The following HTR3C variants were observed in gnomAD, a reference collection of about 807,000 sequenced individuals.
HTR3C encodes the protein 5-HT3-C.
In HTR3C, 32 loss-of-function variants were observed where a neutral mutation model predicts 40.5. The observed-to-expected ratio is 0.79, with a 90% CI of 0.60 to 1.06. HTR3C has a LOEUF of 1.06. Ranked by LOEUF, HTR3C falls within the 50% of genes least tolerant of loss-of-function variation. HTR3C has a pLI of 0.00. For synonymous variants in HTR3C, 209 were observed against 217.1 expected (o/e 0.96, Z 0.33); for missense variants, 523 against 556.8 (o/e 0.94, Z 0.61).
chr3:184,059,287 T>G, intron 6 of HTR3C, 149 bp from the exon 7 acceptor site: 1 of 664,576 alleles, frequency 1.5e-6, no homozygotes, highest in Non-Finnish European at 2.6e-6. Flanking sequence ...GAGGCCCCTA[T>G]GTAGGCGAGC....
At position 184,060,438 on chromosome 3, in the gene HTR3C, A is replaced by G. The variant is rs1723425484; in HGVS notation, c.*86A>G. On this transcript the variant is annotated 3_prime_UTR_variant, in exon 9 of 9. Transcript: ENST00000318351. ...CGGACTCATTTTCCTAATCTTAGCC[A>G]CTTATCCCCAGTGACTACCATGTCC... 1 of 1,531,638 alleles carries G rather than the reference A, an allele frequency of 6.5e-7. No homozygotes were observed. Among genetic ancestry groups the G allele is most frequent in the East Asian group, 2.3e-5 (1 of 44,286 alleles). 94.9% of individuals were successfully genotyped at this position (1,531,638 alleles called of 1,614,324 possible).
At chr3:184,055,884 C>CAAAAAAAAA (rs71185686) in intron 3 of HTR3C, among the ~76,000 whole-genome samples, 1,913 of 30,710 alleles carry the variant, frequency 0.062, 467 homozygotes, top group Middle Eastern at 0.091. Context: ...AATAGCAACT[C>CAAAAAAAAA]AAAAAAAAAA....
Position 184,054,729 on chromosome 3 carries a change from G to T in HTR3C, c.76G>T (p.Asp26Tyr). Reference sequence around the variant, plus strand: ...GTCTCTGCTCTCTATAGGAAGAGGCGACGCTTTTACCATCAATTGCTCAGG... The same window carrying T: ...GTCTCTGCTCTCTATAGGAAGAGGCTACGCTTTTACCATCAATTGCTCAGG... ...TVSLLLQGRG[D>Y]AFTINCSGFD... is the part of the protein sequence containing the mutation. Residue 26 changes from aspartate (D) to tyrosine (Y), a missense_variant, in exon 2 of 9, where the codon GAC becomes TAC. Coordinates refer to ENST00000318351, the MANE Select transcript of HTR3C (RefSeq NM_130770.3). The T allele has an allele frequency of 6.3e-7, 1 of 1,595,008 alleles. No homozygotes were observed. The highest frequency in any genetic ancestry group is 8.5e-7 in the Non-Finnish European group (1 of 1,172,050).
At chr3:184,053,220 G>C (rs939559685) in intron 1 of HTR3C, 73 bp downstream of exon 1, 5 of 1,044,810 alleles carry the variant, frequency 4.8e-6, no homozygotes, top group Non-Finnish European at 7.5e-6. Flanking sequence ...CTAGCACTTG[G>C]AGGGCATTCA....
In HTR3C at chr3:184,059,527, T is replaced by C. The variant is rs374276602; in HGVS notation, c.812T>C (p.Leu271Pro). The C allele has an allele frequency of 1.9e-6, 3 of 1,614,040 alleles. No individual in the cohort carries two copies. Among genetic ancestry groups the C allele is most frequent in the African/African-American group, 1.3e-5 (1 of 74,918 alleles). ...LVAIDALSFY[L>P]PAESENRAPF... Reference sequence around the variant, plus strand: ...GCCATTGATGCCCTCAGCTTCTACCTGCCAGCAGAGAGCGAGAATCGTGCC... The same window carrying C: ...GCCATTGATGCCCTCAGCTTCTACCCGCCAGCAGAGAGCGAGAATCGTGCC... The change falls in exon 7 of 9, where the codon CTG becomes CCG. Residue 271 changes from leucine to proline, a missense_variant. Leu to Pro is a moderately conservative substitution (Grantham distance 98). Transcript: ENST00000318351.
intron 6 of HTR3C, 67 bp from the exon 7 acceptor site, chr3:184,059,369 G>C: frequency 2.1e-6 from 3 of 1,407,178 alleles, no homozygotes; most frequent in Non-Finnish European, 2.0e-6. Flanking sequence ...CAAAGATTAG[G>C]GGTCAGATAT....
Position 184,054,733 on chromosome 3 carries a change from C to T in HTR3C, c.80C>T (p.Ala27Val). ...VSLLLQGRGD[A>V]FTINCSGFDQ... The stretch of plus-strand genomic sequence containing the variant: ...CTGCTCTCTATAGGAAGAGGCGACG[C>T]TTTTACCATCAATTGCTCAGGCTTT... The change falls in exon 2 of 9, where the codon GCT becomes GTT. Residue 27 changes from alanine to valine, a missense_variant. Coordinates refer to ENST00000318351, the MANE Select transcript of HTR3C (RefSeq NM_130770.3). 6.3e-7 allele frequency: 1 copy of T among 1,599,306 alleles called. No individual in the cohort carries two copies. Among genetic ancestry groups the T allele is most frequent in the Non-Finnish European group, 8.5e-7 (1 of 1,174,020 alleles).
intron 6 of HTR3C, among the ~76,000 whole-genome samples, chr3:184,059,046 T>A (rs1723388059): frequency 6.6e-6 from 1 of 152,126 alleles, no homozygotes; most frequent in South Asian, 2.1e-4. Flanking sequence ...CTAATTGCCC[T>A]GAAGCAGGAT....
chr3:184,060,202 C>A lies in HTR3C; in HGVS notation c.1194C>A (p.Thr398=). 3.1e-6 allele frequency: 5 copies of A among 1,614,108 alleles called. No homozygotes were observed. The highest frequency in any genetic ancestry group is 4.2e-6 in the Non-Finnish European group (5 of 1,180,006). The change falls in exon 9 of 9, where the codon ACC becomes ACA. Residue 398 remains threonine, a synonymous_variant. Transcript: ENST00000318351. ...LAGKKLGPRE[T]EPDGGSGWTK... is the part of the protein sequence containing the mutation. ...GGAAGAAGCTGGGACCCAGAGAGAC[C>A]GAGCCAGATGGGGGCTCAGGATGGA...
Position 184,060,257 on chromosome 3 carries a change from C to G in HTR3C, c.1249C>G (p.Gln417Glu). The change falls in exon 9 of 9, where the codon CAG becomes GAG. Residue 417 changes from glutamine to glutamate, a missense_variant. Transcript: ENST00000318351. ...GACCCAGCTAATGGAGCTGTGGGTG[C>G]AGTTCAGCCACGCGATGGACACCCT... Reference protein sequence around the residue: ...TKTQLMELWVQFSHAMDTLLF... With the variant: ...TKTQLMELWVEFSHAMDTLLF... 6.2e-7 allele frequency: 1 copy of G among 1,614,166 alleles called. No individual in the cohort carries two copies. Among genetic ancestry groups the G allele is most frequent in the Non-Finnish European group, 8.5e-7 (1 of 1,180,030 alleles).
At position 184,054,878 on chromosome 3, in the gene HTR3C, C is replaced by A. The variant is rs754258738; in HGVS notation, c.225C>A (p.Ile75=). The A allele has an allele frequency of 3.1e-6, 5 of 1,604,762 alleles. No homozygotes were observed. In the South Asian group the frequency reaches 5.6e-5, roughly 18 times the overall value. The part of the protein sequence containing the change: ...RVNISFTLSA[I]LGVDAQLQLL... ...ACATCTCCTTCACCCTGTCTGCCAT[C>A]CTGGGAGTGGTGAGACTTAGTCCCT... The change falls in exon 2 of 9, where the codon ATC becomes ATA. Residue 75 remains isoleucine, a synonymous_variant. Transcript: ENST00000318351.
rs139175772 is a variant in HTR3C at position 184,060,349 on chromosome 3, C to A, written c.1341C>A (p.Thr447=). ...TTACTGTCATTGTCCTCTGGAACAC[C>A]TAGGCAGACATCCCCCCTCTCTGGC... ...SILTVIVLWN[T] The change falls in exon 9 of 9, where the codon ACC becomes ACA. Residue 447 remains threonine (T), a synonymous_variant. Transcript: ENST00000318351. 9 of 1,614,058 alleles carry A rather than the reference C, an allele frequency of 5.6e-6. No individual in the cohort carries two copies. The highest frequency in any genetic ancestry group is 1.6e-4 in the Middle Eastern group (1 of 6,084).
At chr3:184,056,616 A>G (rs1051080415) in intron 4 of HTR3C, among the ~76,000 whole-genome samples, 9 of 152,134 alleles carry the variant, frequency 5.9e-5, no homozygotes, top group Admixed American at 3.3e-4. Context: ...GTGTGGTGGC[A>G]CATCCCTGTA....
intron 4 of HTR3C, 22 bp downstream of exon 4, chr3:184,056,308 GC>G: frequency 6.5e-7 from 1 of 1,542,150 alleles, no homozygotes; most frequent in Non-Finnish European, 9.0e-7. Flanking sequence ...GGCTGGGGAA[GC>G]CAGCGTGAAA....
intron 5 of HTR3C, among the ~76,000 whole-genome samples, chr3:184,057,884 T>C (rs79905030): frequency 6.6e-6 from 1 of 152,272 alleles, no homozygotes; most frequent in East Asian, 1.9e-4. Context: ...ACAAGCTGAG[T>C]GGCCCTTGTG....
chr3:184,060,396 G>T lies in HTR3C; in HGVS notation c.*44G>T, dbSNP rs948041362. ...TGGCAAACAACAGCTTGGAGTTTCT[G>T]CTGGTCTTGGGCCAGCCGGACTCAT... On this transcript the variant is annotated 3_prime_UTR_variant, in exon 9 of 9. Coordinates refer to ENST00000318351, the MANE Select transcript of HTR3C (RefSeq NM_130770.3). 1 of 1,612,228 alleles carries T rather than the reference G, an allele frequency of 6.2e-7. No individual in the cohort carries two copies. Among genetic ancestry groups the T allele is most frequent in the South Asian group, 1.1e-5 (1 of 91,050 alleles).
chr3:184,054,967 C>T (rs1390701875), intron 2 of HTR3C, 80 bp downstream of exon 2: 8 of 1,424,638 alleles, frequency 5.6e-6, no homozygotes, highest in Non-Finnish European at 7.6e-6. Flanking sequence ...CAACATGGCC[C>T]TGGCCCCGTG....
chr3:184,054,831 T>G lies in HTR3C; in HGVS notation c.178T>G (p.Tyr60Asp), dbSNP rs1274318134. 1 of 1,613,888 alleles carries G rather than the reference T, an allele frequency of 6.2e-7. No homozygotes were observed. Among genetic ancestry groups the G allele is most frequent in the Admixed American group, 1.7e-5 (1 of 59,994 alleles). Residue 60 changes from tyrosine to aspartate, a missense_variant, in exon 2 of 9, where the codon TAC becomes GAC. Tyr to Asp is a radical substitution (Grantham distance 160, BLOSUM62 -3). Coordinates refer to ENST00000318351, the MANE Select transcript of HTR3C (RefSeq NM_130770.3). ...AAAGGCCTTCCGTCCATTCACCAAC[T>G]ACAGCATCCCTACCCGTGTCAACAT... The part of the protein sequence containing the change: ...DRKAFRPFTN[Y>D]SIPTRVNISF...
chr3:184,053,857 C>A (rs193158659), intron 1 of HTR3C, among the ~76,000 whole-genome samples: 7 of 152,278 alleles, frequency 4.6e-5, no homozygotes, highest in Non-Finnish European at 8.8e-5. Flanking sequence ...CGGGTTTGAG[C>A]GATTCTCCTG....
Sources: gnomAD v4.1 joint callset for allele counts (sites outside exome capture counted in the v4.1 genomes callset) on GRCh38, gnomAD v4.1.1 for gene constraint, MANE v1.5 for transcripts, NCBI Gene and HGNC (gene_info 2026-07-23, HGNC 2026-07-21) for gene names.